Variants in HSPH1 observed in about 807,000 individuals in gnomAD.
HSPH1 encodes heat shock protein 105 kDa.
Under a neutral mutation model 100.0 loss-of-function variants are expected in HSPH1, and 40 were observed. The observed-to-expected ratio is 0.40, with a 90% CI of 0.31 to 0.52. The LOEUF is 0.52. HSPH1 is among the 20% of genes least tolerant of loss of function. HSPH1 has a pLI of 0.54. For missense variants in HSPH1, 876 were observed against 1,015.1 expected, an observed-to-expected ratio of 0.86 and a Z score of 1.86; for synonymous variants, 403 against 344.0, an observed-to-expected ratio of 1.17 and a Z score of -1.90.
At chr13:31,142,953 AG>A (rs543492137) in intron 12 of HSPH1, among the ~76,000 whole-genome samples, 6 of 152,216 alleles carry the variant, frequency 3.9e-5, no homozygotes, top group African/African-American at 1.4e-4. Context: ...TCACATTGGG[AG>A]CCCCCAGGAT....
chr13:31,147,001 G>T (rs1478250808), intron 10 of HSPH1, among the ~76,000 whole-genome samples: 1 of 152,142 alleles, frequency 6.6e-6, no homozygotes, highest in Non-Finnish European at 1.5e-5. Context: ...CAAATCAGTA[G>T]TTCAGGAAAT....
intron 2 of HSPH1, among the ~76,000 whole-genome samples, chr13:31,157,379 A>C (rs969644140): frequency 5.9e-5 from 9 of 152,262 alleles, no homozygotes; most frequent in East Asian, 3.9e-4. Context: ...CCTTTTAGTT[A>C]TCTCTCTCTT....
Position 31,137,338 on chromosome 13 carries a change from C to CA in HSPH1, c.2556dup (p.Val853CysfsTer2). Reference sequence around the variant, plus strand: ...GTTATCTAGTCCAAGTCCATATTAACAGAATTTTTCTCATTAGGGTAACAT... The same window carrying CA: ...GTTATCTAGTCCAAGTCCATATTAACAAGAATTTTTCTCATTAGGGTAACAT... On this transcript the variant is annotated frameshift_variant, in exon 18 of 18. Transcript: ENST00000320027. LOFTEE classifies it high-confidence loss of function. The CA allele has an allele frequency of 6.2e-7, 1 of 1,609,428 alleles. No individual in the cohort carries two copies. The highest frequency in any genetic ancestry group is 8.5e-7 in the Non-Finnish European group (1 of 1,177,206).
At chr13:31,148,534 T>C (rs1956356037) in intron 8 of HSPH1, 54 bp from the exon 9 acceptor site, 1 of 538,296 alleles carries the variant, frequency 1.9e-6, no homozygotes, top group Admixed American at 3.7e-5. Flanking sequence ...AGTCATCTTT[T>C]AATATAAAAC....
Position 31,138,490 on chromosome 13 carries a change from T to C in HSPH1, c.2287A>G (p.Asn763Asp), listed in dbSNP as rs1239038748. Residue 763 changes from asparagine to aspartate, a missense_variant, in exon 17 of 18, where the codon AAT (asparagine) becomes GAT (aspartate). By Grantham distance (23) the Asn-to-Asp change is conservative. Coordinates refer to ENST00000320027, the MANE Select transcript of HSPH1 (RefSeq NM_006644.4). ...KSVNEVMEWM[N>D]NVMNAQAKKS... ...TTAGCCTGAGCATTCATGACATTATTCATCCATTCCATCACTTCATTAACA... is the reference window on the plus strand; with the variant it reads ...TTAGCCTGAGCATTCATGACATTATCCATCCATTCCATCACTTCATTAACA... 2 of 1,613,080 alleles carry C rather than the reference T, an allele frequency of 1.2e-6. No individual in the cohort carries two copies. Among genetic ancestry groups the C allele is most frequent in the African/African-American group, 2.7e-5 (2 of 74,890 alleles).
chr13:31,144,956 A>G (rs1416499931), intron 11 of HSPH1, among the ~76,000 whole-genome samples: 1 of 152,166 alleles, frequency 6.6e-6, no homozygotes, highest in Non-Finnish European at 1.5e-5. Flanking sequence ...CTCTTAAGCT[A>G]TTTCTAGTTA....
At chr13:31,147,282 T>G (rs1044768229) in intron 10 of HSPH1, among the ~76,000 whole-genome samples, 23 of 152,220 alleles carry the variant, frequency 1.5e-4, no homozygotes, top group African/African-American at 5.3e-4. Context: ...CAACTCTGGG[T>G]CAGAACATTT....
Position 31,150,050 on chromosome 13 carries a change from A to C in HSPH1, c.1041T>G (p.Ile347Met), listed in dbSNP as rs141343658. The change falls in exon 8 of 18, where the codon ATT (isoleucine) becomes ATG (methionine). Residue 347 changes from isoleucine to methionine, a missense_variant. Transcript: ENST00000320027. ...TGGCAATTCTTTCCTTCACAGCTGG[A>C]ATTCGTGTAGCGCCTCCAACAATCT... ...AVEIVGGATR[I>M]PAVKERIAKF... The C allele has an allele frequency of 1.7e-4, 277 of 1,613,864 alleles. 3 individuals carry two copies. In the Middle Eastern group the frequency reaches 3.0e-3, roughly 17 times the overall value.
At chr13:31,142,359 A>G (rs1418727571) in intron 12 of HSPH1, among the ~76,000 whole-genome samples, 2 of 152,144 alleles carry the variant, frequency 1.3e-5, no homozygotes, top group African/African-American at 2.4e-5. Flanking sequence ...ATCAAGTGCC[A>G]TAAGCTGTAT....
intron 7 of HSPH1, among the ~76,000 whole-genome samples, chr13:31,150,546 C>T (rs1324146354): frequency 6.6e-6 from 1 of 152,154 alleles, no homozygotes; most frequent in East Asian, 1.9e-4. Flanking sequence ...ACCTCAGCCT[C>T]CTGAAAAGTT....
At chr13:31,141,890 G>C (rs747580961) in intron 12 of HSPH1, among the ~76,000 whole-genome samples, 91 of 151,988 alleles carry the variant, frequency 6.0e-4, no homozygotes, top group Non-Finnish European at 5.4e-4. Flanking sequence ...AAGGTAAAAA[G>C]AGATGAGTCT....
chr13:31,139,164 AAAAC>A, intron 14 of HSPH1, 57 bp from the exon 15 acceptor site: 2 of 1,105,214 alleles, frequency 1.8e-6, no homozygotes, highest in Non-Finnish European at 2.8e-6. Flanking sequence ...TTTTCACAAC[AAAAC>A]AAAGAGGTAT....
At chr13:31,139,510 G>A (rs1472092866) in intron 14 of HSPH1, among the ~76,000 whole-genome samples, 1 of 152,010 alleles carries the variant, frequency 6.6e-6, no homozygotes, top group East Asian at 1.9e-4. Context: ...GGTCCTACCT[G>A]GTTCGGTCAT....
chr13:31,153,084 T>A (rs1299682228), intron 4 of HSPH1, 133 bp from the exon 5 acceptor site: 1 of 602,768 alleles, frequency 1.7e-6, no homozygotes, highest in Non-Finnish European at 2.9e-6. Context: ...GAAATAGGGC[T>A]TTAGTTTTCT....
Position 31,148,572 on chromosome 13 carries a change from C to CAA in HSPH1, c.1138-94_1138-93dup, listed in dbSNP as rs33938762. 7.4e-3 allele frequency: 1,010 copies of CAA among 136,328 alleles called. 3 individuals carry two copies. Among genetic ancestry groups the CAA allele is most frequent in the South Asian group, 0.018 (108 of 6,054 alleles). The allele number at this position is 136,328 out of a possible 1,614,324, so 8.4% of individuals were successfully genotyped here. A position where few individuals can be genotyped will look rare whatever the true frequency, so the allele number is the denominator to read the frequency against. On this transcript the variant is annotated intron_variant, in intron 8 of 17. Transcript: ENST00000320027. ...AATTCCAATGGATGGACAGGGTTTTCAAAAAAAAAAAAAAAAAACAACTCA... is the reference window on the plus strand; with the variant it reads ...AATTCCAATGGATGGACAGGGTTTTCAAAAAAAAAAAAAAAAAAAACAACTCA...
In HSPH1 at chr13:31,151,056, A is replaced by G. The variant is rs765087712; in HGVS notation, c.799T>C (p.Tyr267His). Residue 267 changes from tyrosine (Y) to histidine (H), a missense_variant, in exon 7 of 18, where the codon TAT becomes CAT. By Grantham distance (83) the Tyr-to-His change is moderately conservative. Coordinates refer to ENST00000320027, the MANE Select transcript of HSPH1 (RefSeq NM_006644.4). ...KSKIRALLRL[Y>H]QECEKLKKLM... ...TTTTTCAGTTTTTCACATTCCTGAT[A>G]CAGACGTAGGAGTGCTCGTATTTTG... The G allele has an allele frequency of 1.6e-5, 26 of 1,613,854 alleles. No homozygotes were observed. Among genetic ancestry groups the G allele is most frequent in the Non-Finnish European group, 2.1e-5 (25 of 1,179,838 alleles).
At chr13:31,162,141 G>GC, upstream of HSPH1, 2 of 1,488,710 alleles carry the variant, frequency 1.3e-6, no homozygotes, top group Non-Finnish European at 1.8e-6. Flanking sequence ...ACCTGCCTCC[G>GC]CCCACTCCCG....
Position 31,147,940 on chromosome 13 carries a change from T to C in HSPH1, c.1378+19A>G, listed in dbSNP as rs776254997. 25 of 1,564,220 alleles carry C rather than the reference T, an allele frequency of 1.6e-5. No homozygotes were observed. Among genetic ancestry groups the C allele is most frequent in the Non-Finnish European group, 2.0e-5 (23 of 1,163,382 alleles). ...AGTCTTTAACTAAAAGAGTAAAATA[T>C]ACACAATGAACTCCTTACCTATTTT... On this transcript the variant is annotated intron_variant, in intron 10 of 17. Coordinates refer to ENST00000320027, the MANE Select transcript of HSPH1 (RefSeq NM_006644.4).
intron 1 of HSPH1, among the ~76,000 whole-genome samples, chr13:31,161,006 G>A (rs1405136576): frequency 6.6e-6 from 1 of 152,228 alleles, no homozygotes; most frequent in African/African-American, 2.4e-5. Context: ...AAGGCCGGCA[G>A]CCCCGCTCCG....
Sources: allele counts gnomAD v4.1 joint callset (sites outside exome capture counted in the v4.1 genomes callset), GRCh38; gene constraint gnomAD v4.1.1; transcripts MANE v1.5; gene names NCBI Gene and HGNC (gene_info 2026-07-23, HGNC 2026-07-21).